Variants in ADGRF4 observed in about 807,000 individuals in gnomAD.
ADGRF4 encodes the protein G-protein coupled receptor PGR18.
Under a neutral mutation model 58.5 loss-of-function variants are expected in ADGRF4, and 63 were observed. The observed-to-expected ratio is 1.08, with a 90% confidence interval of 0.88 to 1.33. The LOEUF is 1.33. Ranked by LOEUF, ADGRF4 falls within the 40% of genes most tolerant of loss-of-function variation. The pLI is 0.00. For synonymous variants in ADGRF4, 313 were observed against 295.4 expected, an observed-to-expected ratio of 1.06 and a Z score of -0.61; for missense variants, 931 against 843.9, an observed-to-expected ratio of 1.10 and a Z score of -1.28.
rs768747691 is a variant in ADGRF4 at position 47,714,624 on chromosome 6, G to T, written c.1379G>T (p.Gly460Val). 10 of 1,614,134 alleles carry T rather than the reference G, an allele frequency of 6.2e-6. No homozygotes were observed. Among genetic ancestry groups the T allele is most frequent in the South Asian group, 1.1e-5 (1 of 91,070 alleles). Residue 460 changes from glycine (G) to valine (V), a missense_variant, in exon 6 of 10, where the codon GGC becomes GTC. Coordinates refer to ENST00000283303, the MANE Select transcript of ADGRF4 (RefSeq NM_153838.5). ...LLTANVWFII[G>V]SHFNIKAQDY... Reference sequence around the variant, plus strand: ...ACTGCCAATGTGTGGTTTATCATAGGCTCTCACTTTAACATTAAGGCCCAG... The same window carrying T: ...ACTGCCAATGTGTGGTTTATCATAGTCTCTCACTTTAACATTAAGGCCCAG...
rs115172329 is a variant in ADGRF4, at chr6:47,711,240, A to G, written c.300+354A>G. On this transcript the variant is annotated intron_variant, in intron 4 of 9. Coordinates refer to ENST00000283303, the MANE Select transcript of ADGRF4 (RefSeq NM_153838.5). ...GATAATCAGTTAATCAACTAAATGTATCTAGGATCAAATTTATTTTGATAT... is the reference window on the plus strand; with the variant it reads ...GATAATCAGTTAATCAACTAAATGTGTCTAGGATCAAATTTATTTTGATAT... Among the ~76,000 whole-genome samples the G allele has an allele frequency of 4.3e-3, 660 of 152,258 alleles. 3 individuals carry two copies. Among genetic ancestry groups the G allele is most frequent in the African/African-American group, 0.014 (575 of 41,542 alleles).
At chr6:47,702,115 A>G (rs1771603697) in intron 1 of ADGRF4, among the ~76,000 whole-genome samples, 1 of 152,234 alleles carries the variant, frequency 6.6e-6, no homozygotes, top group Non-Finnish European at 1.5e-5. Context: ...CTGGGATTAT[A>G]GGCGTGAACC....
chr6:47,704,065 T>C (rs76298496), intron 1 of ADGRF4, among the ~76,000 whole-genome samples: 1 of 152,066 alleles, frequency 6.6e-6, no homozygotes, highest in Non-Finnish European at 1.5e-5. Context: ...TTTTTTTTTT[T>C]TGAGACGGAG....
At chr6:47,712,668 T>A (rs1421035387) in intron 5 of ADGRF4, 60 bp downstream of exon 5, 1 of 1,311,548 alleles carries the variant, frequency 7.6e-7, no homozygotes, top group Non-Finnish European at 1.1e-6. Context: ...TTGAATAGTT[T>A]CAAATATACT....
At chr6:47,713,684 AAT>A (rs1771925356) in intron 5 of ADGRF4, 112 bp from the exon 6 acceptor site, 3 of 794,980 alleles carry the variant, frequency 3.8e-6, no homozygotes, top group Middle Eastern at 3.6e-4. Context: ...TTTGAAGAGA[AAT>A]ATGCCAAATA....
rs1771897087 is a variant in ADGRF4, at chr6:47,712,494, C to T, written c.438C>T (p.Ile146=). 1.2e-6 allele frequency: 2 copies of T among 1,613,876 alleles called. No homozygotes were observed. Among genetic ancestry groups the T allele is most frequent in the Non-Finnish European group, 1.7e-6 (2 of 1,179,898 alleles). The part of the protein sequence containing the change: ...RKNCPFDYAC[I]TDMVKSSETT... ...ACTGCCCCTTTGATTATGCCTGCAT[C>T]ACTGACATGGTGAAATCATCAGAAA... The change falls in exon 5 of 10, where the codon ATC becomes ATT. Residue 146 remains isoleucine, a synonymous_variant. Transcript: ENST00000283303.
In ADGRF4 at chr6:47,708,223, G is replaced by T. The variant is rs1277245780; in HGVS notation, c.94-1G>T. The T allele has an allele frequency of 6.2e-7, 1 of 1,610,988 alleles. No individual in the cohort carries two copies. Among genetic ancestry groups the T allele is most frequent in the Admixed American group, 1.7e-5 (1 of 59,978 alleles). ...GACCATTGGGAATTTATATTTTTCAGGCTGGAGATAAACTTCAAAGCCCTG... is the reference window on the plus strand; with the variant it reads ...GACCATTGGGAATTTATATTTTTCATGCTGGAGATAAACTTCAAAGCCCTG... On this transcript the variant is annotated splice_acceptor_variant, in intron 2 of 9. Transcript: ENST00000283303. LOFTEE classifies it high-confidence loss of function.
rs945320972 is a variant in ADGRF4, at chr6:47,721,881, T to G, written c.*676T>G. 1 of 152,216 alleles carries G rather than the reference T, an allele frequency of 6.6e-6. No individual in the cohort carries two copies. The highest frequency in any genetic ancestry group is 1.5e-5 in the Non-Finnish European group (1 of 68,036). The allele number at this position is 152,216 out of a possible 1,614,324, so 9.4% of individuals were successfully genotyped here. Reference sequence around the variant, plus strand: ...TTGTGAAACAGGAAAAAAAAATTCTTGTAGGTATTACTGTTTGTGTGTTTG... The same window carrying G: ...TTGTGAAACAGGAAAAAAAAATTCTGGTAGGTATTACTGTTTGTGTGTTTG... On this transcript the variant is annotated 3_prime_UTR_variant, in exon 10 of 10. Transcript: ENST00000283303.
chr6:47,718,860 A>T (rs989539607), intron 9 of ADGRF4, among the ~76,000 whole-genome samples: 1 of 152,194 alleles, frequency 6.6e-6, no homozygotes, highest in Admixed American at 6.5e-5. Flanking sequence ...GGGTTGCGGC[A>T]AATTAGCTAC....
intron 4 of ADGRF4, among the ~76,000 whole-genome samples, chr6:47,711,388 G>A (rs574598602): frequency 5.9e-5 from 9 of 152,138 alleles, no homozygotes; most frequent in East Asian, 1.9e-4. Context: ...TCAGCCTCCC[G>A]AGGAGCTGTG....
intron 2 of ADGRF4, among the ~76,000 whole-genome samples, 172 bp from the exon 3 acceptor site, chr6:47,708,052 C>G (rs1771763310): frequency 6.6e-6 from 1 of 152,146 alleles, no homozygotes; most frequent in South Asian, 2.1e-4. Context: ...TCCCTGTGCT[C>G]TCATCCACAT....
intron 1 of ADGRF4, among the ~76,000 whole-genome samples, chr6:47,705,394 C>T (rs1303582861): frequency 6.6e-6 from 1 of 152,172 alleles, no homozygotes; most frequent in Non-Finnish European, 1.5e-5. Context: ...AATTTACGGC[C>T]TACATGGAGA....
intron 5 of ADGRF4, 21 bp downstream of exon 5, chr6:47,712,629 A>G: frequency 6.5e-7 from 1 of 1,543,014 alleles, no homozygotes; most frequent in East Asian, 2.3e-5. Flanking sequence ...TTAATCATTT[A>G]AAAATGATGT....
chr6:47,713,895 C>T lies in ADGRF4; in HGVS notation c.650C>T (p.Ser217Leu), dbSNP rs1771932807. The change falls in exon 6 of 10, where the codon TCA becomes TTA. Residue 217 changes from serine to leucine, a missense_variant. By Grantham distance (145) the Ser-to-Leu change is moderately radical. Transcript: ENST00000283303. ...NKNASSDLLQSVNLFARQLHI... is the reference protein window; with the variant it reads ...NKNASSDLLQLVNLFARQLHI... Reference sequence around the variant, plus strand: ...AATGCCAGCTCGGATTTGTTGCAGTCAGTGAATTTGTTTGCCAGACAACTC... The same window carrying T: ...AATGCCAGCTCGGATTTGTTGCAGTTAGTGAATTTGTTTGCCAGACAACTC... 19 of 1,609,354 alleles carry T rather than the reference C, an allele frequency of 1.2e-5. No individual in the cohort carries two copies. In the East Asian group the frequency reaches 4.2e-4, roughly 36 times the overall value.
At chr6:47,703,470 C>T (rs1448549655) in intron 1 of ADGRF4, among the ~76,000 whole-genome samples, 1 of 152,176 alleles carries the variant, frequency 6.6e-6, no homozygotes, top group African/African-American at 2.4e-5. Flanking sequence ...CTATCTAATC[C>T]ATCGCTGCCA....
chr6:47,700,736 C>T (rs2113892154), intron 1 of ADGRF4, among the ~76,000 whole-genome samples: 1 of 152,312 alleles, frequency 6.6e-6, no homozygotes, highest in Non-Finnish European at 1.5e-5. Flanking sequence ...CCAAAATCAT[C>T]TAGAGTTGCA....
chr6:47,702,303 G>A (rs1318907991), intron 1 of ADGRF4, among the ~76,000 whole-genome samples: 1 of 152,130 alleles, frequency 6.6e-6, no homozygotes, highest in Non-Finnish European at 1.5e-5. Context: ...TTCCCAAACT[G>A]ATATGACCAT....
chr6:47,713,724 T>C (rs777080608), intron 5 of ADGRF4, 74 bp from the exon 6 acceptor site: 71 of 1,190,438 alleles, frequency 6.0e-5, no homozygotes, highest in Non-Finnish European at 7.8e-5. Flanking sequence ...CTTTAGAAAT[T>C]TCAGGTTTTA....
rs1006316312 is a variant in ADGRF4, at chr6:47,714,887, G to A, written c.1642G>A (p.Ala548Thr). 1.3e-5 allele frequency: 21 copies of A among 1,610,270 alleles called. No individual in the cohort carries two copies. Among genetic ancestry groups the A allele is most frequent in the Non-Finnish European group, 1.7e-5 (20 of 1,176,690 alleles). The part of the protein sequence containing the change: ...EPEKGYMRPE[A>T]CWLNWDNTKA... ...AGAGAAAGGCTACATGAGACCTGAG[G>A]CCTGTTGGCTTAACTGGGACAATAC... The change falls in exon 6 of 10, where the codon GCC becomes ACC. Residue 548 changes from alanine (A) to threonine (T), a missense_variant. Physicochemically the swap from Ala to Thr is moderately conservative, Grantham distance 58. Coordinates refer to ENST00000283303, the MANE Select transcript of ADGRF4 (RefSeq NM_153838.5).
Sources: gnomAD v4.1 joint callset for allele counts (sites outside exome capture counted in the v4.1 genomes callset) on GRCh38, gnomAD v4.1.1 for gene constraint, MANE v1.5 for transcripts, NCBI Gene and HGNC (gene_info 2026-07-23, HGNC 2026-07-21) for gene names.